Variants in ITGBL1 observed in about 807,000 individuals in gnomAD.
The protein encoded by ITGBL1 is integrin subunit beta like 1, also known as integrin beta-like protein 1.
ITGBL1 carries 51 observed loss-of-function variants against 68.5 expected under a neutral mutation model. That is an observed-to-expected ratio of 0.74 (90% CI 0.59 to 0.94). The LOEUF (loss-of-function observed/expected upper bound fraction) is 0.94, where lower values mean the gene tolerates loss of function less well. ITGBL1 is among the 40% of genes least tolerant of loss of function. ITGBL1 has a pLI of 0.00. For synonymous variants in ITGBL1, 209 were observed against 227.3 expected, an observed-to-expected ratio of 0.92 and a Z score of 0.72; for missense variants, 649 against 647.4, an observed-to-expected ratio of 1.00 and a Z score of -0.03.
chr13:101,581,723 TAC>T (rs1339886288), intron 5 of ITGBL1, among the ~76,000 whole-genome samples: 2 of 152,218 alleles, frequency 1.3e-5, no homozygotes, highest in African/African-American at 4.8e-5. Flanking sequence ...AAAACATAAA[TAC>T]AACTATATTT....
chr13:101,706,919 G>A lies in ITGBL1; in HGVS notation c.1279+17G>A, dbSNP rs749472522. 2 of 1,610,080 alleles carry A rather than the reference G, an allele frequency of 1.2e-6. No individual in the cohort carries two copies. The highest frequency in any genetic ancestry group is 1.7e-6 in the Non-Finnish European group (2 of 1,176,936). The stretch of plus-strand genomic sequence containing the variant: ...CGGGGAAGGGTGAGTATCTCTGCTG[G>A]TGCCTGGACTCCATTCCTGTTCTGA... On this transcript the variant is annotated intron_variant, in intron 9 of 10. Transcript: ENST00000376180.
chr13:101,493,524 C>A (rs2048811038), intron 2 of ITGBL1, among the ~76,000 whole-genome samples: 1 of 152,046 alleles, frequency 6.6e-6, no homozygotes, highest in South Asian at 2.1e-4. Context: ...ATAACATCAG[C>A]ATCAAGATTT....
At chr13:101,550,328 GC>G (rs1353395849) in intron 2 of ITGBL1, among the ~76,000 whole-genome samples, 2 of 152,120 alleles carry the variant, frequency 1.3e-5, no homozygotes, top group African/African-American at 2.4e-5. Context: ...TCCTTCTGGG[GC>G]AAAGGTCAGG....
intron 2 of ITGBL1, among the ~76,000 whole-genome samples, chr13:101,539,687 AT>A (rs1038865496): frequency 2.6e-5 from 4 of 151,202 alleles, no homozygotes; most frequent in African/African-American, 9.7e-5. Flanking sequence ...AAGTGTTCCT[AT>A]TTCTCCACAT....
At chr13:101,576,644 G>C (rs116290399) in intron 4 of ITGBL1, among the ~76,000 whole-genome samples, 1 of 152,134 alleles carries the variant, frequency 6.6e-6, no homozygotes, top group East Asian at 1.9e-4. Flanking sequence ...ACTGTGGCTA[G>C]CATAGGACAA....
intron 2 of ITGBL1, among the ~76,000 whole-genome samples, chr13:101,502,977 T>C (rs2048967992): frequency 6.6e-6 from 1 of 152,200 alleles, no homozygotes; most frequent in South Asian, 2.1e-4. Context: ...CTCCCTCTAA[T>C]TCAAACGCAG....
At chr13:101,566,277 T>C (rs996919328) in intron 2 of ITGBL1, among the ~76,000 whole-genome samples, 31 of 152,152 alleles carry the variant, frequency 2.0e-4, no homozygotes, top group African/African-American at 7.5e-4. Flanking sequence ...TCAAAGAGCC[T>C]TAACCACTGC....
rs1164806465 is a variant in ITGBL1 at position 101,598,403 on chromosome 13, CT to C, written c.1015+109del. 9 of 974,744 alleles carry C rather than the reference CT, an allele frequency of 9.2e-6. No homozygotes were observed. In the African/African-American group the frequency reaches 1.2e-4, roughly 13 times the overall value. The allele number at this position is 974,744 out of a possible 1,614,324, so 60.4% of individuals were successfully genotyped here. A position where few individuals can be genotyped will look rare whatever the true frequency, so the allele number is the denominator to read the frequency against. On this transcript the variant is annotated intron_variant, in intron 7 of 10. Transcript: ENST00000376180. ...TTGTTTGTTTGTTTTTTGTTTTCTG[CT>C]TTTTGGTTTTTTTGTTTTTTATTTT...
At chr13:101,630,704 C>G (rs967548734) in intron 7 of ITGBL1, among the ~76,000 whole-genome samples, 1 of 152,148 alleles carries the variant, frequency 6.6e-6, no homozygotes, top group African/African-American at 2.4e-5. Context: ...TATTCCAAAT[C>G]ATTGTTAGAT....
chr13:101,687,215 C>G (rs1021065531), intron 7 of ITGBL1, among the ~76,000 whole-genome samples: 1 of 151,872 alleles, frequency 6.6e-6, no homozygotes, highest in Non-Finnish European at 1.5e-5. Context: ...ACAGTGTACT[C>G]CCATATCTAA....
Position 101,599,618 on chromosome 13 carries a change from G to A in ITGBL1, c.1015+1319G>A, listed in dbSNP as rs1404741257. On this transcript the variant is annotated intron_variant, in intron 7 of 10. Transcript: ENST00000376180. ...CATCTTGAATTAATTTTTGTATAAG[G>A]TGTAAGGAAGGGATCCAGTTTCAGC... is the stretch of plus-strand genomic sequence containing the variant. 3.4e-3 allele frequency among the ~76,000 whole-genome samples: 513 copies of A among 152,182 alleles called. 3 individuals are homozygous for A. The highest frequency in any genetic ancestry group is 0.012 in the African/African-American group (489 of 41,550).
At chr13:101,569,448 C>G (rs953594919) in intron 3 of ITGBL1, among the ~76,000 whole-genome samples, 1 of 152,090 alleles carries the variant, frequency 6.6e-6, no homozygotes, top group African/African-American at 2.4e-5. Context: ...ATTTCTAGGA[C>G]ATCTGTACTC....
At chr13:101,562,694 G>C (rs1421447159) in intron 2 of ITGBL1, among the ~76,000 whole-genome samples, 8 of 151,606 alleles carry the variant, frequency 5.3e-5, no homozygotes, top group African/African-American at 1.9e-4. Context: ...AGACTGAAAG[G>C]GGAAAAAATC....
At chr13:101,598,704 C>G (rs59826888) in intron 7 of ITGBL1, among the ~76,000 whole-genome samples, 7 of 151,890 alleles carry the variant, frequency 4.6e-5, no homozygotes, top group African/African-American at 1.5e-4. Flanking sequence ...TTTGTCCTTG[C>G]AATAGTTTGC....
Position 101,716,429 on chromosome 13 carries a change from T to G in ITGBL1, c.*775T>G, listed in dbSNP as rs2034723976. 1.3e-5 allele frequency: 2 copies of G among 152,186 alleles called. No homozygotes were observed. The highest frequency in any genetic ancestry group is 4.8e-5 in the African/African-American group (2 of 41,450). 9.4% of individuals were successfully genotyped at this position (152,186 alleles called of 1,614,324 possible). A position where few individuals can be genotyped will look rare whatever the true frequency, so the allele number is the denominator to read the frequency against. ...ACAATTTAACATTTTAAATAAATAG[T>G]GACAGAAGTTGTTTATACTCTGTGT... is the stretch of plus-strand genomic sequence containing the variant. On this transcript the variant is annotated 3_prime_UTR_variant, in exon 11 of 11. Transcript: ENST00000376180.
intron 2 of ITGBL1, among the ~76,000 whole-genome samples, chr13:101,514,612 ATC>A (rs965590070): frequency 6.6e-6 from 1 of 152,210 alleles, no homozygotes; most frequent in South Asian, 2.1e-4. Flanking sequence ...TAATAACCGT[ATC>A]TGTTAATATT....
At chr13:101,619,849 A>T (rs1210664208) in intron 7 of ITGBL1, among the ~76,000 whole-genome samples, 2 of 152,198 alleles carry the variant, frequency 1.3e-5, no homozygotes, top group Non-Finnish European at 2.9e-5. Flanking sequence ...AACATAGATT[A>T]GTTGAGATAT....
At chr13:101,604,736 A>G (rs1329400798) in intron 7 of ITGBL1, among the ~76,000 whole-genome samples, 1 of 148,830 alleles carries the variant, frequency 6.7e-6, no homozygotes, top group Admixed American at 6.8e-5. Flanking sequence ...TAGGAAAGCA[A>G]TTATAAGACC....
intron 7 of ITGBL1, among the ~76,000 whole-genome samples, chr13:101,660,038 G>A (rs889562958): frequency 9.9e-5 from 15 of 152,072 alleles, no homozygotes; most frequent in African/African-American, 3.4e-4. Flanking sequence ...GGGTGTTTAG[G>A]AGCCTCCTTG....
Sources: allele counts gnomAD v4.1 joint callset (sites outside exome capture counted in the v4.1 genomes callset), GRCh38; gene constraint gnomAD v4.1.1; transcripts MANE v1.5; gene names NCBI Gene and HGNC (gene_info 2026-07-23, HGNC 2026-07-21).